MYH11: variants seen among roughly 807,000 people sequenced by gnomAD.
MYH11 encodes the protein myosin heavy chain 11.
In MYH11, 80 loss-of-function variants were observed where a neutral mutation model predicts 246.6. The ratio of observed to expected loss-of-function variants is 0.32; its 90% CI spans 0.27 to 0.39. The LOEUF (loss-of-function observed/expected upper bound fraction) is 0.39. MYH11 is among the 10% of genes least tolerant of loss of function. The probability of loss-of-function intolerance (pLI) is 1.00; values close to 1 mark genes in which losing one functional copy is unlikely to be tolerated. For missense variants in MYH11, 2,158 were observed against 2,546.8 expected (o/e 0.85, Z 3.29); for synonymous variants, 1,071 against 1,015.5 (o/e 1.05, Z -1.04).
chr16:15,761,075 GAGAT>G (rs939908681), intron 10 of MYH11, among the ~76,000 whole-genome samples: 15 of 152,174 alleles, frequency 9.9e-5, no homozygotes, highest in African/African-American at 3.6e-4. Context: ...TAAAGTCCCT[GAGAT>G]AGATAGATTT....
In MYH11 at chr16:15,826,279, G is replaced by A. The variant is rs187608661; in HGVS notation, c.346-2868C>T. On this transcript the variant is annotated intron_variant, in intron 2 of 40. Transcript: ENST00000300036. ...CTCAAGGGCCTTTTAGTCAAGGGCT[G>A]GAGCCAATTAGAGAGTGGGAAAGTC... Among the ~76,000 whole-genome samples, 68 of 152,146 alleles carry A rather than the reference G, an allele frequency of 4.5e-4. 1 individual carries two copies. Among genetic ancestry groups the A allele is most frequent in the Admixed American group, 4.2e-3 (64 of 15,280 alleles).
chr16:15,714,803 G>GA, intron 40 of MYH11, 106 bp downstream of exon 40: 2 of 1,346,006 alleles, frequency 1.5e-6, no homozygotes, highest in Non-Finnish European at 2.1e-6. Flanking sequence ...AGAAGGGAGT[G>GA]GCGGCTGTGG....
chr16:15,760,787 A>G, intron 10 of MYH11, 129 bp from the exon 11 acceptor site: 2 of 776,620 alleles, frequency 2.6e-6, no homozygotes, highest in South Asian at 2.7e-5. Flanking sequence ...CCCGCTGACC[A>G]TGAATATAGC....
intron 40 of MYH11, among the ~76,000 whole-genome samples, chr16:15,709,975 C>T (rs1365487732): frequency 6.6e-6 from 1 of 152,140 alleles, no homozygotes. Context: ...CTTGGTGAAA[C>T]TCGCACTACA....
intron 10 of MYH11, among the ~76,000 whole-genome samples, chr16:15,761,268 A>G (rs965052192): frequency 3.3e-5 from 5 of 151,876 alleles, no homozygotes; most frequent in African/African-American, 1.2e-4. Context: ...CTGCCACCAC[A>G]CCCAGCTAAT....
chr16:15,758,238 C>T (rs2041781974), intron 12 of MYH11, among the ~76,000 whole-genome samples: 1 of 152,182 alleles, frequency 6.6e-6, no homozygotes, highest in Non-Finnish European at 1.5e-5. Context: ...CCTCCATCTG[C>T]ACAACCATCT....
At chr16:15,823,783 G>T (rs1432389459) in intron 2 of MYH11, among the ~76,000 whole-genome samples, 2 of 152,056 alleles carry the variant, frequency 1.3e-5, no homozygotes, top group East Asian at 3.9e-4. Context: ...GCGCCACCAG[G>T]CCTGGCTGAT....
chr16:15,824,481 A>G (rs1255015696), intron 2 of MYH11, among the ~76,000 whole-genome samples: 1 of 152,012 alleles, frequency 6.6e-6, no homozygotes, highest in African/African-American at 2.4e-5. Context: ...GGGTTTCACC[A>G]TATTGCCCAG....
intron 8 of MYH11, among the ~76,000 whole-genome samples, chr16:15,775,258 A>G (rs1319917298): frequency 6.6e-6 from 1 of 152,204 alleles, no homozygotes; most frequent in Non-Finnish European, 1.5e-5. Context: ...TTTCCCTACA[A>G]CAGAGGTCAG....
At chr16:15,725,338 C>T in intron 28 of MYH11, 1 of 561,044 alleles carries the variant, frequency 1.8e-6, no homozygotes, top group Non-Finnish European at 3.1e-6. Flanking sequence ...AGCAGCAGGT[C>T]TGAGAGTCCA....
chr16:15,726,707 C>T (rs753716475), intron 28 of MYH11, 141 bp downstream of exon 28: 10 of 956,060 alleles, frequency 1.0e-5, no homozygotes, highest in African/African-American at 3.2e-5. Context: ...GGGAGATCAT[C>T]GCCTCTCCTC....
At position 15,735,562 on chromosome 16, in the gene MYH11, C is replaced by G; in HGVS notation, c.3310G>C (p.Ala1104Pro). The G allele has an allele frequency of 6.2e-7, 1 of 1,614,144 alleles. No homozygotes were observed. The highest frequency in any genetic ancestry group is 8.5e-7 in the Non-Finnish European group (1 of 1,180,034). The change falls in exon 26 of 41, where the codon GCT (alanine) becomes CCT (proline). Residue 1104 changes from alanine (A) to proline (P), a missense_variant. Coordinates refer to ENST00000300036, the MANE Select transcript of MYH11 (RefSeq NM_002474.3). ...AALARLDDEI[A>P]QKNNALKKIR... The stretch of plus-strand genomic sequence containing the variant: ...TTCTTCAGGGCATTGTTCTTCTGAG[C>G]GATTTCATCGTCAAGCCTTCCAGGG...
intron 8 of MYH11, chr16:15,775,875 T>C: frequency 3.2e-6 from 2 of 629,676 alleles, no homozygotes; most frequent in East Asian, 2.7e-5. Flanking sequence ...TGTCACATAG[T>C]AGGTGCTCAG....
chr16:15,847,673 T>C (rs569611428), intron 1 of MYH11, among the ~76,000 whole-genome samples: 57 of 152,324 alleles, frequency 3.7e-4, no homozygotes, highest in African/African-American at 1.3e-3. Context: ...GGACCCTGTC[T>C]AACCTCAGAC....
chr16:15,832,068 C>T (rs1397813640), intron 2 of MYH11, among the ~76,000 whole-genome samples: 2 of 152,094 alleles, frequency 1.3e-5, no homozygotes, highest in Non-Finnish European at 2.9e-5. Context: ...TCACAATCTG[C>T]TTGTTCCTTG....
intron 27 of MYH11, among the ~76,000 whole-genome samples, chr16:15,728,440 C>A (rs946009805): frequency 6.6e-6 from 1 of 152,204 alleles, no homozygotes; most frequent in African/African-American, 2.4e-5. Context: ...CAACAATCTG[C>A]CACATCTAAG....
Position 15,829,260 on chromosome 16 carries a change from T to C in MYH11, c.346-5849A>G, listed in dbSNP as rs140638263. On this transcript the variant is annotated intron_variant, in intron 2 of 40. Transcript: ENST00000300036. ...CTGCCTTTTCAACTCCATCACTAGC[T>C]TCTGAAAGAGGAATATGACTTCCAT... Among the ~76,000 whole-genome samples, 110 of 152,244 alleles carry C rather than the reference T, an allele frequency of 7.2e-4. No homozygotes were observed. In the East Asian group the frequency reaches 0.014, roughly 19 times the overall value.
chr16:15,818,509 T>C (rs2043318282), intron 3 of MYH11, among the ~76,000 whole-genome samples: 1 of 152,174 alleles, frequency 6.6e-6, no homozygotes, highest in Admixed American at 6.6e-5. Context: ...CTCGGCTCAC[T>C]GCAAGCTCCG....
chr16:15,727,564 C>G (rs2040831854), intron 27 of MYH11, among the ~76,000 whole-genome samples: 1 of 152,148 alleles, frequency 6.6e-6, no homozygotes, highest in Non-Finnish European at 1.5e-5. Flanking sequence ...CAAGCGGTAT[C>G]CAACCTGCTG....
Sources: gnomAD v4.1 joint callset for allele counts (sites outside exome capture counted in the v4.1 genomes callset) on GRCh38, gnomAD v4.1.1 for gene constraint, MANE v1.5 for transcripts, NCBI Gene and HGNC (gene_info 2026-07-23, HGNC 2026-07-21) for gene names.